Variants in LRBA observed in about 807,000 individuals in gnomAD.
LRBA encodes the protein lipopolysaccharide-responsive and beige-like anchor protein.
Under a neutral mutation model 330.0 loss-of-function variants are expected in LRBA, and 176 were observed. The observed-to-expected ratio is 0.53, with a 90% CI of 0.47 to 0.60. LRBA has a LOEUF of 0.60. LRBA is among the 20% of genes least tolerant of loss of function. LRBA has a pLI of 0.00. For missense variants in LRBA, 3,259 were observed against 3,444.8 expected (o/e 0.95, Z 1.35); for synonymous variants, 1,230 against 1,193.0 (o/e 1.03, Z -0.64).
chr4:150,483,375 C>G (rs1414425941), intron 42 of LRBA, among the ~76,000 whole-genome samples: 1 of 151,902 alleles, frequency 6.6e-6, no homozygotes, highest in Non-Finnish European at 1.5e-5. Flanking sequence ...AACAAGCTAT[C>G]CTAATGAATG....
chr4:150,824,789 C>G (rs1745984208), intron 30 of LRBA, among the ~76,000 whole-genome samples: 1 of 152,086 alleles, frequency 6.6e-6, no homozygotes, highest in African/African-American at 2.4e-5. Context: ...TAAAAAGTTT[C>G]TTTGAGACAA....
intron 35 of LRBA, among the ~76,000 whole-genome samples, chr4:150,749,817 T>C (rs1221202366): frequency 2.0e-5 from 3 of 152,158 alleles, no homozygotes; most frequent in Non-Finnish European, 4.4e-5. Flanking sequence ...CACTCGTCTA[T>C]TAAAAACTCT....
At chr4:150,489,068 A>C (rs1433050556) in intron 41 of LRBA, among the ~76,000 whole-genome samples, 1 of 61,382 alleles carries the variant, frequency 1.6e-5, no homozygotes. Context: ...AATATATAAT[A>C]TATTATATAT....
At chr4:150,440,247 A>G (rs914046694) in intron 44 of LRBA, among the ~76,000 whole-genome samples, 2 of 152,186 alleles carry the variant, frequency 1.3e-5, no homozygotes, top group Admixed American at 6.5e-5. Flanking sequence ...AGTATTGATT[A>G]GAAAGTATAA....
At chr4:150,543,549 T>C (rs1303256403) in intron 40 of LRBA, among the ~76,000 whole-genome samples, 1 of 152,200 alleles carries the variant, frequency 6.6e-6, no homozygotes, top group Non-Finnish European at 1.5e-5. Flanking sequence ...CTTTTATGAA[T>C]GGTAAACTTA....
rs1170341303 is a variant in LRBA, at chr4:150,962,744, A to G, written c.217-33679T>C. Among the ~76,000 whole-genome samples, 4 of 148,950 alleles carry G rather than the reference A, an allele frequency of 2.7e-5. No individual in the cohort carries two copies. In the East Asian group the frequency reaches 7.7e-4, roughly 29 times the overall value. On this transcript the variant is annotated intron_variant, in intron 2 of 56. Coordinates refer to ENST00000651943, the MANE Select transcript of LRBA (RefSeq NM_001364905.1). ...TGAGGTGGACAGATCACTTGAGGTCAGGAGTTCGACACCAGCCTGACCAAC... is the reference window on the plus strand; with the variant it reads ...TGAGGTGGACAGATCACTTGAGGTCGGGAGTTCGACACCAGCCTGACCAAC...
rs1581018303 is a variant in LRBA, at chr4:150,325,750, G to A, written c.7452+59C>T. 5 of 1,134,526 alleles carry A rather than the reference G, an allele frequency of 4.4e-6. No individual in the cohort carries two copies. The East Asian group carries it at 1.2e-4, about 27-fold the overall frequency. The allele number at this position is 1,134,526 out of a possible 1,614,324, so 70.3% of individuals were successfully genotyped here. A position where few individuals can be genotyped will look rare whatever the true frequency, so the allele number is the denominator to read the frequency against. On this transcript the variant is annotated intron_variant, in intron 49 of 56. Coordinates refer to ENST00000651943, the MANE Select transcript of LRBA (RefSeq NM_001364905.1). ...CTCAAGCACAATGAAAGACTGTTAT[G>A]AATATCAAGCGGATCTGAAGGAGAG...
At chr4:150,620,431 T>A (rs1776183330) in intron 37 of LRBA, among the ~76,000 whole-genome samples, 2 of 152,172 alleles carry the variant, frequency 1.3e-5, no homozygotes, top group South Asian at 4.1e-4. Context: ...GGTCTACCAT[T>A]CAATCAAGCA....
Position 150,414,972 on chromosome 4 carries a change from T to A in LRBA, c.7194+466A>T, listed in dbSNP as rs899243156. ...GAGTTGTTTGTAAGCACAAATTCAA[T>A]GTGCTTTTAAGTTTTAACATTTTCA... On this transcript the variant is annotated intron_variant, in intron 47 of 56. Coordinates refer to ENST00000651943, the MANE Select transcript of LRBA (RefSeq NM_001364905.1). 3.3e-5 allele frequency among the ~76,000 whole-genome samples: 5 copies of A among 152,368 alleles called. No homozygotes were observed. The South Asian group carries it at 1.0e-3, about 32-fold the overall frequency.
At chr4:150,672,987 T>C (rs1782202110) in intron 37 of LRBA, among the ~76,000 whole-genome samples, 1 of 152,208 alleles carries the variant, frequency 6.6e-6, no homozygotes, top group African/African-American at 2.4e-5. Context: ...AATGACTGAC[T>C]GATTTAGTCA....
chr4:150,786,254 C>CT (rs34501190), intron 34 of LRBA, among the ~76,000 whole-genome samples: 59,110 of 137,098 alleles, frequency 0.43, 12,934 homozygotes, highest in Middle Eastern at 0.5. Context: ...TTTTGCATTT[C>CT]TTTTTTTTTT....
intron 36 of LRBA, among the ~76,000 whole-genome samples, chr4:150,723,478 C>T (rs985006437): frequency 1.1e-4 from 16 of 152,102 alleles, no homozygotes; most frequent in African/African-American, 3.9e-4. Context: ...AACCCAGTGC[C>T]TTGAAGGTAA....
chr4:150,827,199 T>C (rs977610960), intron 30 of LRBA, among the ~76,000 whole-genome samples: 1 of 152,164 alleles, frequency 6.6e-6, no homozygotes, highest in East Asian at 1.9e-4. Context: ...GAACTGACAT[T>C]AGACAATCTG....
intron 2 of LRBA, among the ~76,000 whole-genome samples, chr4:150,986,278 C>T: frequency 6.6e-6 from 1 of 152,094 alleles, no homozygotes. Context: ...AACTGTTCCA[C>T]CTCAGCGGGA....
chr4:150,731,551 A>G (rs1462675444), intron 36 of LRBA, among the ~76,000 whole-genome samples: 1 of 152,232 alleles, frequency 6.6e-6, no homozygotes, highest in Non-Finnish European at 1.5e-5. Flanking sequence ...GCAGAAAGAC[A>G]AACATCGCAT....
rs1212252752 is a variant in LRBA, at chr4:150,639,736, AATATATATATATATATATATATATAT to A, written c.5922-40631_5922-40606del. Among the ~76,000 whole-genome samples, 208 of 51,148 alleles carry A rather than the reference AATATATATATATATATATATATATAT, an allele frequency of 4.1e-3. 33 individuals are homozygous for A. The East Asian group carries it at 0.042, about 10-fold the overall frequency. The allele number at this position is 51,148 out of a possible 152,430, so 33.6% of individuals were successfully genotyped here. A position where few individuals can be genotyped will look rare whatever the true frequency, so the allele number is the denominator to read the frequency against. ...GAAGATAATCTGAGCCTATGCCCCA[AATATATATATATATATATATATATAT>A]ATATATATATATATATATATGTGTG... is the stretch of plus-strand genomic sequence containing the variant. On this transcript the variant is annotated intron_variant, in intron 37 of 56. Coordinates refer to ENST00000651943, the MANE Select transcript of LRBA (RefSeq NM_001364905.1).
chr4:150,422,917 A>C, intron 46 of LRBA: 1 of 809,650 alleles, frequency 1.2e-6, no homozygotes, highest in South Asian at 1.3e-5. Context: ...AAGGGGATGG[A>C]TGCCAGCTCT....
intron 40 of LRBA, among the ~76,000 whole-genome samples, chr4:150,540,356 G>C (rs963262586): frequency 3.9e-5 from 6 of 152,046 alleles, no homozygotes; most frequent in Non-Finnish European, 7.4e-5. Context: ...CACCACACCC[G>C]GCTAATTTTT....
intron 37 of LRBA, among the ~76,000 whole-genome samples, chr4:150,611,034 C>T (rs1250894995): frequency 2.0e-5 from 3 of 152,078 alleles, no homozygotes; most frequent in Non-Finnish European, 1.5e-5. Flanking sequence ...AGACTTTCTT[C>T]AGTCTTCAAA....
Sources: allele counts gnomAD v4.1 joint callset (sites outside exome capture counted in the v4.1 genomes callset), GRCh38; gene constraint gnomAD v4.1.1; transcripts MANE v1.5; gene names NCBI Gene and HGNC (gene_info 2026-07-23, HGNC 2026-07-21).